Variants in LARGE1 observed in about 807,000 individuals in gnomAD.
LARGE1 encodes the protein xylosyl- and glucuronyltransferase LARGE1.
Under a neutral mutation model 87.6 loss-of-function variants are expected in LARGE1, and 43 were observed. The ratio of observed to expected loss-of-function variants is 0.49; its 90% confidence interval spans 0.38 to 0.63. The LOEUF (loss-of-function observed/expected upper bound fraction) is 0.63. Among genes scored for constraint, LARGE1 ranks in the 30% least tolerant of loss-of-function variants. The pLI is 0.00. For synonymous variants in LARGE1, 434 were observed against 394.6 expected (o/e 1.10, Z -1.18); for missense variants, 802 against 1,000.2 (o/e 0.80, Z 2.67).
intron 11 of LARGE1, among the ~76,000 whole-genome samples, chr22:33,230,278 C>T (rs544365114): frequency 1.3e-4 from 20 of 152,032 alleles, no homozygotes; most frequent in African/African-American, 4.3e-4. Context: ...CCTCAGCCTC[C>T]CAAAGTGCTG....
At chr22:33,225,892 T>C (rs1388254089) in intron 11 of LARGE1, among the ~76,000 whole-genome samples, 1 of 152,228 alleles carries the variant, frequency 6.6e-6, no homozygotes, top group Admixed American at 6.5e-5. Flanking sequence ...GACATAATCT[T>C]ATTCTCTTTA....
At chr22:33,461,666 GAAAAAA>G (rs1182251899) in intron 6 of LARGE1, among the ~76,000 whole-genome samples, 1 of 127,894 alleles carries the variant, frequency 7.8e-6, no homozygotes, top group African/African-American at 2.9e-5. Flanking sequence ...AAAAAAAAAA[GAAAAAA>G]GAAAAAAAAA....
chr22:33,300,085 G>C (rs1299674472), intron 12 of LARGE1, among the ~76,000 whole-genome samples: 1 of 152,184 alleles, frequency 6.6e-6, no homozygotes, highest in Non-Finnish European at 1.5e-5. Flanking sequence ...ATCAGTGTTT[G>C]GGGGTACAAG....
chr22:33,411,219 C>G (rs2066294617), intron 7 of LARGE1, among the ~76,000 whole-genome samples: 1 of 152,192 alleles, frequency 6.6e-6, no homozygotes, highest in Non-Finnish European at 1.5e-5. Flanking sequence ...CGTGTAAATA[C>G]TAAGCCAGGT....
chr22:33,843,225 G>C (rs1031128966), intron 1 of LARGE1, among the ~76,000 whole-genome samples: 2 of 152,066 alleles, frequency 1.3e-5, no homozygotes, highest in Non-Finnish European at 2.9e-5. Flanking sequence ...ATACTGCAGT[G>C]GGTCGGGAGT....
chr22:33,680,891 G>GACAC (rs2081747892), intron 2 of LARGE1, among the ~76,000 whole-genome samples: 1 of 151,988 alleles, frequency 6.6e-6, no homozygotes, highest in South Asian at 2.1e-4. Flanking sequence ...TGCTCTTTGT[G>GACAC]TTAAATGTGA....
In LARGE1 at chr22:33,262,201, G is replaced by A. The variant is rs1231682813; in HGVS notation, c.1730+42028C>T. Among the ~76,000 whole-genome samples the A allele has an allele frequency of 2.0e-5, 3 of 152,318 alleles. No individual in the cohort carries two copies. In the East Asian group the frequency reaches 5.8e-4, roughly 29 times the overall value. On this transcript the variant is annotated intron_variant, in intron 11 of 11. Transcript: ENST00000608642. ...CACCGTCACCCGGCTGTTCAGTGGT[G>A]AGTAGAGACAGTGGTTCTGGCACAT...
chr22:33,101,587 G>A, the LARGE1 span, among the ~76,000 whole-genome samples: 16 of 152,312 alleles, frequency 1.1e-4, no homozygotes, highest in Middle Eastern at 0.014. Context: ...TCTGGCATTG[G>A]CGTGGGTCTT....
the LARGE1 span, among the ~76,000 whole-genome samples, chr22:33,093,822 C>CTTTTTTTTTTTTTTT: frequency 1.2e-5 from 1 of 81,578 alleles, no homozygotes; most frequent in Non-Finnish European, 2.3e-5. Context: ...TTCTTTCTTT[C>CTTTTTTTTTTTTTTT]TTTTTTTTTT....
chr22:33,268,237 A>T (rs1843311625), downstream of LARGE1, among the ~76,000 whole-genome samples: 1 of 151,032 alleles, frequency 6.6e-6, no homozygotes, highest in South Asian at 2.1e-4. Context: ...TACAGGCGTG[A>T]GCCACCATGC....
intron 7 of LARGE1, among the ~76,000 whole-genome samples, chr22:33,428,920 ACT>A (rs1344905602): frequency 1.6e-5 from 2 of 128,914 alleles, no homozygotes; most frequent in Non-Finnish European, 3.2e-5. Flanking sequence ...AAAGAGCGAG[ACT>A]CTGTCTCAAA....
chr22:33,141,683 C>T, the LARGE1 span, among the ~76,000 whole-genome samples: 1 of 152,076 alleles, frequency 6.6e-6, no homozygotes, highest in Admixed American at 6.6e-5. Flanking sequence ...TGTTCCAAGC[C>T]ATTTAAGACA....
chr22:33,398,673 T>G (rs140220596), intron 7 of LARGE1, among the ~76,000 whole-genome samples: 141 of 152,358 alleles, frequency 9.3e-4, no homozygotes, highest in African/African-American at 3.1e-3. Flanking sequence ...GTGACCCATT[T>G]TTTGGAAAAT....
chr22:33,557,642 T>C (rs2077731503), intron 6 of LARGE1, among the ~76,000 whole-genome samples: 1 of 152,208 alleles, frequency 6.6e-6, no homozygotes, highest in African/African-American at 2.4e-5. Context: ...CTTGGCTCAC[T>C]GCAACCTCTG....
At chr22:33,837,687 G>A (rs920877637) in intron 1 of LARGE1, among the ~76,000 whole-genome samples, 6 of 152,224 alleles carry the variant, frequency 3.9e-5, no homozygotes, top group East Asian at 3.8e-4. Flanking sequence ...GAGTGTGTTC[G>A]TATCAAACAG....
intron 7 of LARGE1, among the ~76,000 whole-genome samples, chr22:33,406,933 C>T (rs955748807): frequency 6.6e-6 from 1 of 152,052 alleles, no homozygotes. Flanking sequence ...GCTGGGATTA[C>T]AGGCACCCGC....
intron 10 of LARGE1, among the ~76,000 whole-genome samples, chr22:33,328,640 T>C (rs977433369): frequency 6.6e-6 from 1 of 151,260 alleles, no homozygotes; most frequent in African/African-American, 2.4e-5. Flanking sequence ...AAAAAGGAGA[T>C]AACAGGAACT....
At chr22:33,293,444 G>C (rs1932871183) in intron 12 of LARGE1, among the ~76,000 whole-genome samples, 1 of 152,168 alleles carries the variant, frequency 6.6e-6, no homozygotes, top group African/African-American at 2.4e-5. Flanking sequence ...ATCATATAAT[G>C]ATATTAATGA....
intron 11 of LARGE1, among the ~76,000 whole-genome samples, chr22:33,263,654 C>T (rs904214036): frequency 1.3e-5 from 2 of 152,232 alleles, no homozygotes; most frequent in Admixed American, 6.5e-5. Flanking sequence ...AGAGCCTGAG[C>T]ACAGGTCTGC....
Sources: gnomAD v4.1 joint callset for allele counts (sites outside exome capture counted in the v4.1 genomes callset) on GRCh38, gnomAD v4.1.1 for gene constraint, MANE v1.5 for transcripts, NCBI Gene and HGNC (gene_info 2026-07-23, HGNC 2026-07-21) for gene names.